MAST4: variants seen among roughly 807,000 people sequenced by gnomAD.
MAST4 encodes the protein microtubule associated serine/threonine kinase family member 4, also known as microtubule-associated serine/threonine-protein kinase 4.
Under a neutral mutation model 162.7 loss-of-function variants are expected in MAST4, and 89 were observed. The ratio of observed to expected loss-of-function variants is 0.55; its 90% CI spans 0.46 to 0.65. The LOEUF (loss-of-function observed/expected upper bound fraction) is 0.65. Among genes scored for constraint, MAST4 ranks in the 30% least tolerant of loss-of-function variants. MAST4 has a pLI of 0.00. For missense variants in MAST4, 3,153 were observed against 3,374.0 expected (o/e 0.93, Z 1.62); for synonymous variants, 1,479 against 1,361.1 (o/e 1.09, Z -1.91).
chr5:66,720,934 C>T (rs1274224175), intron 1 of MAST4, among the ~76,000 whole-genome samples: 1 of 152,062 alleles, frequency 6.6e-6, no homozygotes, highest in Non-Finnish European at 1.5e-5. Context: ...TCCAGAGACT[C>T]CCCCATCCCA....
At chr5:66,872,151 T>TCTTG (rs1760979186) in intron 3 of MAST4, among the ~76,000 whole-genome samples, 1 of 150,198 alleles carries the variant, frequency 6.7e-6, no homozygotes, top group South Asian at 2.1e-4. Context: ...GATATAAATT[T>TCTTG]TTTGTTTGTT....
intron 4 of MAST4, among the ~76,000 whole-genome samples, chr5:66,900,645 A>G (rs1226574287): frequency 1.3e-5 from 2 of 152,092 alleles, no homozygotes; most frequent in Non-Finnish European, 2.9e-5. Context: ...GTACTGTGTA[A>G]GGGCTGGTCT....
intron 11 of MAST4, among the ~76,000 whole-genome samples, chr5:67,110,999 G>T (rs1766170677): frequency 6.6e-6 from 1 of 152,168 alleles, no homozygotes; most frequent in South Asian, 2.1e-4. Context: ...ACTCCAGCCT[G>T]AGTGACAGAA....
At chr5:67,119,268 G>A (rs2150946150) in intron 13 of MAST4, among the ~76,000 whole-genome samples, 2 of 152,250 alleles carry the variant, frequency 1.3e-5, no homozygotes, top group Middle Eastern at 6.8e-3. Flanking sequence ...CACACTGACT[G>A]CAGTGCAGAA....
At chr5:66,983,882 G>A (rs926456952) in intron 4 of MAST4, among the ~76,000 whole-genome samples, 2 of 152,170 alleles carry the variant, frequency 1.3e-5, no homozygotes, top group Non-Finnish European at 2.9e-5. Context: ...AAACAGAGGA[G>A]GACAGAGAAA....
At chr5:67,100,982 A>C (rs758124907) in intron 8 of MAST4, among the ~76,000 whole-genome samples, 2 of 152,156 alleles carry the variant, frequency 1.3e-5, no homozygotes, top group African/African-American at 2.4e-5. Flanking sequence ...CATATTACAA[A>C]ATATCTTTGT....
Position 67,110,092 on chromosome 5 carries a change from T to C in MAST4, c.1357-6T>C. On this transcript the variant is annotated splice_polypyrimidine_tract_variant and splice_region_variant and intron_variant, in intron 10 of 28. Coordinates refer to ENST00000403625, the MANE Select transcript of MAST4 (RefSeq NM_001164664.2). ...CATCATCACTCTCTTTATTGCTTTT[T>C]CATAGGCTCATGATCGTTCAGAAAG... The C allele has an allele frequency of 6.2e-7, 1 of 1,607,932 alleles. No individual in the cohort carries two copies.
chr5:67,026,695 C>G (rs1754691172), intron 4 of MAST4, among the ~76,000 whole-genome samples: 1 of 152,146 alleles, frequency 6.6e-6, no homozygotes, highest in South Asian at 2.1e-4. Context: ...TTATGCTAAT[C>G]AGCATGAGAC....
At chr5:66,923,775 CACAGTCATAT>C (rs1054088477) in intron 4 of MAST4, among the ~76,000 whole-genome samples, 13 of 152,170 alleles carry the variant, frequency 8.5e-5, no homozygotes, top group Admixed American at 8.5e-4. Flanking sequence ...AACCTCACAA[CACAGTCATAT>C]ATTTCAAGTT....
chr5:66,669,382 C>G (rs1357519714), intron 1 of MAST4, among the ~76,000 whole-genome samples: 1 of 152,128 alleles, frequency 6.6e-6, no homozygotes, highest in African/African-American at 2.4e-5. Flanking sequence ...GTGAAAAGTA[C>G]CAGTTTCCAC....
At chr5:66,996,620 GT>G in intron 4 of MAST4, among the ~76,000 whole-genome samples, 1 of 152,154 alleles carries the variant, frequency 6.6e-6, no homozygotes, top group African/African-American at 2.4e-5. Flanking sequence ...GGTGGAATCT[GT>G]TTCCCTGCCT....
At chr5:66,794,622 G>C (rs1227246855) in intron 3 of MAST4, among the ~76,000 whole-genome samples, 3 of 152,112 alleles carry the variant, frequency 2.0e-5, no homozygotes, top group Non-Finnish European at 4.4e-5. Context: ...GGAGTAGCTT[G>C]TTTCTTTCTT....
At chr5:66,910,639 C>T (rs1763678397) in intron 4 of MAST4, among the ~76,000 whole-genome samples, 1 of 151,892 alleles carries the variant, frequency 6.6e-6, no homozygotes, top group Non-Finnish European at 1.5e-5. Context: ...AAATGGTTTT[C>T]AGGGTTTCTT....
chr5:66,917,131 C>A, intron 4 of MAST4: 1 of 658,428 alleles, frequency 1.5e-6, no homozygotes, highest in South Asian at 1.8e-5. Context: ...GATGTCACTG[C>A]CCTTAATTCT....
rs779293062 is a variant in MAST4, at chr5:67,163,289, C to G, written c.4110C>G (p.Ser1370=). Residue 1370 remains serine, a synonymous_variant, in exon 29 of 29, where the codon TCC becomes TCG. Transcript: ENST00000403625. The surrounding 1 kb of genome is among the most constrained non-coding windows in gnomAD (Gnocchi z 7.0). Reference sequence around the variant, plus strand: ...GGTACCGGTCCGGAAGGCGAAAGTCCGCCGGCAACATCCCACTGTCCCCGC... The same window carrying G: ...GGTACCGGTCCGGAAGGCGAAAGTCGGCCGGCAACATCCCACTGTCCCCGC... ...GQRYRSGRRK[S]AGNIPLSPLA... The G allele has an allele frequency of 2.5e-6, 4 of 1,613,356 alleles. No homozygotes were observed. The South Asian group carries it at 4.4e-5, about 18-fold the overall frequency.
intron 1 of MAST4, among the ~76,000 whole-genome samples, chr5:66,747,837 A>G (rs530122210): frequency 6.6e-6 from 1 of 152,318 alleles, no homozygotes; most frequent in Admixed American, 6.5e-5. Context: ...CCTGTAGCCA[A>G]CCCAAGTTGT....
intron 1 of MAST4, among the ~76,000 whole-genome samples, chr5:66,642,495 G>A (rs534664277): frequency 6.6e-6 from 1 of 152,254 alleles, no homozygotes; most frequent in South Asian, 2.1e-4. Flanking sequence ...TTTTAGGTGT[G>A]ATAATGACAT....
At chr5:67,078,439 A>G (rs2150711311) in intron 5 of MAST4, among the ~76,000 whole-genome samples, 1 of 151,322 alleles carries the variant, frequency 6.6e-6, no homozygotes, top group East Asian at 1.9e-4. Context: ...GTCAGTTAAC[A>G]TTAAAAGATG....
At chr5:66,938,938 T>C (rs1743057942) in intron 4 of MAST4, among the ~76,000 whole-genome samples, 1 of 152,152 alleles carries the variant, frequency 6.6e-6, no homozygotes, top group South Asian at 2.1e-4. Context: ...ATTTAGAGCC[T>C]TTTCAGTTTT....
Sources: gnomAD v4.1 joint callset for allele counts (sites outside exome capture counted in the v4.1 genomes callset) on GRCh38, gnomAD v4.1.1 for gene constraint, Gnocchi (gnomAD v3.1) non-coding constraint, MANE v1.5 for transcripts, NCBI Gene and HGNC (gene_info 2026-07-23, HGNC 2026-07-21) for gene names.